Variants in CDHR5 observed in about 807,000 individuals in gnomAD.
CDHR5 encodes the protein cadherin-related family member 5.
CDHR5 carries 82 observed loss-of-function variants against 69.5 expected under a neutral mutation model. The observed-to-expected ratio is 1.18, with a 90% confidence interval of 0.99 to 1.42. CDHR5 has a LOEUF of 1.42. CDHR5 is among the 40% of genes most tolerant of loss of function. The probability of loss-of-function intolerance (pLI) is 0.00; values close to 1 mark genes in which losing one functional copy is unlikely to be tolerated. For synonymous variants in CDHR5, 601 were observed against 510.2 expected (o/e 1.18, Z -2.40); for missense variants, 1,293 against 1,168.9 (o/e 1.11, Z -1.55).
intron 7 of CDHR5, 110 bp downstream of exon 7, chr11:620,970 G>T (rs1857338610): frequency 2.8e-6 from 2 of 710,246 alleles, no homozygotes; most frequent in African/African-American, 1.8e-5. Flanking sequence ...ACCGAAATCG[G>T]CCCCACCCCC....
In CDHR5 at chr11:621,638, A is replaced by T; in HGVS notation, c.431T>A (p.Ile144Asn). Residue 144 changes from isoleucine to asparagine, a missense_variant, in exon 5 of 15, where the codon ATC becomes AAC. By Grantham distance (149) the Ile-to-Asn change is moderately radical. Transcript: ENST00000397542. This position sits in a 1 kb window ranked among gnomAD's most constrained non-coding sequence, Gnocchi z 4.4. The part of the protein sequence containing the change: ...EEDTKVNSTV[I>N]PETQLQAEDR... Reference sequence around the variant, plus strand: ...CTCAGCCTGCAGTTGCGTCTCGGGGATGACGGTGGAGTTCACTTTCGTGTC... The same window carrying T: ...CTCAGCCTGCAGTTGCGTCTCGGGGTTGACGGTGGAGTTCACTTTCGTGTC... 1.2e-6 allele frequency: 2 copies of T among 1,613,322 alleles called. No individual in the cohort carries two copies. The highest frequency in any genetic ancestry group is 2.2e-5 in the South Asian group (2 of 91,046).
At chr11:623,223 C>G (rs1271322973) in intron 3 of CDHR5, among the ~76,000 whole-genome samples, 1 of 152,144 alleles carries the variant, frequency 6.6e-6, no homozygotes, top group Admixed American at 6.5e-5. Flanking sequence ...GCAGGAGAAT[C>G]GCTTGGACCC....
In CDHR5 at chr11:621,337, C is replaced by G; in HGVS notation, c.618+8G>C. 1 of 1,612,974 alleles carries G rather than the reference C, an allele frequency of 6.2e-7. No individual in the cohort carries two copies. Among genetic ancestry groups the G allele is most frequent in the Non-Finnish European group, 8.5e-7 (1 of 1,179,740 alleles). ...GTGTGGGACTCGGGGCTGGGGTGAC[C>G]TGCTCACCCGCACCAGCAGCCAGAA... On this transcript the variant is annotated splice_region_variant and intron_variant, in intron 6 of 14. Transcript: ENST00000397542. This position sits in a 1 kb window ranked among gnomAD's most constrained non-coding sequence, Gnocchi z 4.4.
In CDHR5 at chr11:621,597, C is replaced by G; in HGVS notation, c.472G>C (p.Asp158His). Residue 158 changes from aspartate to histidine, a missense_variant, in exon 5 of 15, where the codon GAC becomes CAC. By Grantham distance (81) the Asp-to-His change is moderately conservative. Transcript: ENST00000397542. The surrounding 1 kb of genome is among the most constrained non-coding windows in gnomAD (Gnocchi z 4.4). ...QLQAEDRDKDDILFYTLQEMT... is the reference protein window; with the variant it reads ...QLQAEDRDKDHILFYTLQEMT... ...TCCTGGAGGGTGTAGAACAGAATGT[C>G]GTCCTTGTCGCGGTCCTCAGCCTGC... 6.2e-7 allele frequency: 1 copy of G among 1,613,676 alleles called. No homozygotes were observed. Among genetic ancestry groups the G allele is most frequent in the Non-Finnish European group, 8.5e-7 (1 of 1,179,796 alleles).
intron 3 of CDHR5, among the ~76,000 whole-genome samples, chr11:623,639 G>T (rs1027595830): frequency 2.6e-5 from 4 of 152,036 alleles, no homozygotes; most frequent in Admixed American, 1.3e-4. Flanking sequence ...GGTTTGACTC[G>T]GTGAGAAAGG....
rs73400307 is a variant in CDHR5 at position 616,993 on chromosome 11, C to G, written c.*358G>C. 7.0e-6 allele frequency: 2 copies of G among 286,914 alleles called. No homozygotes were observed. The highest frequency in any genetic ancestry group is 1.3e-4 in the East Asian group (2 of 14,834). The allele number at this position is 286,914 out of a possible 1,614,324, so 17.8% of individuals were successfully genotyped here. ...AGATGAGCCGGGTGCCTGAGATCTC[C>G]GGTGCAGGTCGGGGGAGGGGAGCCC... On this transcript the variant is annotated 3_prime_UTR_variant, in exon 15 of 15. Transcript: ENST00000397542.
rs183034408 is a variant in CDHR5, at chr11:623,170, G to A, written c.312+1043C>T. On this transcript the variant is annotated intron_variant, in intron 3 of 14. Transcript: ENST00000397542. Reference sequence around the variant, plus strand: ...CTAAAAATACAAAAATTAGCCGGCCGTGGTGGCGCATGCTTGTAATCCCAG... The same window carrying A: ...CTAAAAATACAAAAATTAGCCGGCCATGGTGGCGCATGCTTGTAATCCCAG... Among the ~76,000 whole-genome samples, 306 of 152,236 alleles carry A rather than the reference G, an allele frequency of 2.0e-3. 3 individuals are homozygous for A. Among genetic ancestry groups the A allele is most frequent in the African/African-American group, 6.9e-3 (286 of 41,540 alleles).
intron 13 of CDHR5, 36 bp from the exon 14 acceptor site, chr11:618,147 C>A: frequency 6.4e-7 from 1 of 1,558,250 alleles, no homozygotes; most frequent in Non-Finnish European, 8.8e-7. Flanking sequence ...CATCCCCGCA[C>A]TGTTGAGTGC....
Position 621,860 on chromosome 11 carries a change from G to A in CDHR5, c.357C>T (p.Asp119=). 6.2e-7 allele frequency: 1 copy of A among 1,613,712 alleles called. No homozygotes were observed. Among genetic ancestry groups the A allele is most frequent in the Non-Finnish European group, 8.5e-7 (1 of 1,179,882 alleles). Residue 119 remains aspartate, a synonymous_variant, in exon 4 of 15, where the codon GAC becomes GAT. Coordinates refer to ENST00000397542, the MANE Select transcript of CDHR5 (RefSeq NM_021924.5). This position sits in a 1 kb window ranked among gnomAD's most constrained non-coding sequence, Gnocchi z 4.4. ...TCTTAAAGGGGAATTCGGGGGCATT[G>A]TCATTGACGTCCAGCACTGACACGA... is the stretch of plus-strand genomic sequence containing the variant. ...RVFVSVLDVN[D]NAPEFPFKTK...
In CDHR5 at chr11:621,440, A is replaced by C; in HGVS notation, c.523T>G (p.Phe175Val). ...QEMTAGASDY[F>V]SLVSVNRPAL... is the part of the protein sequence containing the mutation. ...GGACGGTTTACACTCACCAGGGAGA[A>C]GTAGTCACTGGCACCCTGGGGAGGG... is the stretch of plus-strand genomic sequence containing the variant. The change falls in exon 6 of 15, where the codon TTC becomes GTC. Residue 175 changes from phenylalanine (F) to valine (V), a missense_variant. By Grantham distance (50) the Phe-to-Val change is conservative. Coordinates refer to ENST00000397542, the MANE Select transcript of CDHR5 (RefSeq NM_021924.5). This position sits in a 1 kb window ranked among gnomAD's most constrained non-coding sequence, Gnocchi z 4.4. 9 of 1,612,684 alleles carry C rather than the reference A, an allele frequency of 5.6e-6. No homozygotes were observed. The highest frequency in any genetic ancestry group is 7.6e-6 in the Non-Finnish European group (9 of 1,179,710).
At chr11:622,127 C>A (rs1038526316) in intron 3 of CDHR5, among the ~76,000 whole-genome samples, 2 of 151,862 alleles carry the variant, frequency 1.3e-5, no homozygotes, top group African/African-American at 4.8e-5. Flanking sequence ...CACCCCTCAA[C>A]GGCCACCCGT....
rs751121021 is a variant in CDHR5 at position 624,335 on chromosome 11, C to T, written c.262-72G>A. 1.5e-5 allele frequency: 11 copies of T among 730,500 alleles called. No individual in the cohort carries two copies. The highest frequency in any genetic ancestry group is 1.0e-4 in the East Asian group (4 of 38,162). 45.3% of individuals were successfully genotyped at this position (730,500 alleles called of 1,614,324 possible). On this transcript the variant is annotated intron_variant, in intron 2 of 14. Transcript: ENST00000397542. The surrounding 1 kb of genome is among the most constrained non-coding windows in gnomAD (Gnocchi z 5.3). ...GGGAGACTGAGGCCAAGTGGGCAGG[C>T]GCTGGCCCAGGGTCCCCATCATCAG... is the stretch of plus-strand genomic sequence containing the variant.
At position 618,050 on chromosome 11, in the gene CDHR5, C is replaced by A. The variant is rs780341530; in HGVS notation, c.2022G>T (p.Val674=). Residue 674 remains valine (V), a synonymous_variant, in exon 14 of 15, where the codon GTG becomes GTT. Transcript: ENST00000397542. ...GAGCCAGCAGCAGCAGCGCACCCAG[C>A]ACCCCGCCCAGGGCCGCCATATCCA... is the stretch of plus-strand genomic sequence containing the variant. ...SVVDMAALGG[V]LGALLLLALL... 1 of 1,612,210 alleles carries A rather than the reference C, an allele frequency of 6.2e-7. No homozygotes were observed. Among genetic ancestry groups the A allele is most frequent in the Non-Finnish European group, 8.5e-7 (1 of 1,179,634 alleles).
Position 620,377 on chromosome 11 carries a change from G to C in CDHR5, c.799C>G (p.Leu267Val). The change falls in exon 8 of 15, where the codon CTC becomes GTC. Residue 267 changes from leucine to valine, a missense_variant. By Grantham distance (32) the Leu-to-Val change is conservative. Coordinates refer to ENST00000397542, the MANE Select transcript of CDHR5 (RefSeq NM_021924.5). ...VPTGHILPSPLVLRPGPIYAE... is the reference protein window; with the variant it reads ...VPTGHILPSPVVLRPGPIYAE... ...TAGATGGGTCCGGGACGCAGGACGA[G>C]GGGAGATGGCTTCAGGGATGGCGGA... 6.2e-7 allele frequency: 1 copy of C among 1,605,696 alleles called. No homozygotes were observed. Among genetic ancestry groups the C allele is most frequent in the Non-Finnish European group, 8.5e-7 (1 of 1,174,466 alleles).
rs1857341437 is a variant in CDHR5, at chr11:620,993, C to T, written c.789+87G>A. The stretch of plus-strand genomic sequence containing the variant: ...CGGCCCCACCCCCTGACCCCGACCC[C>T]GCCCTTCCTCTCCTGATCCTGGCCG... On this transcript the variant is annotated intron_variant, in intron 7 of 14. Coordinates refer to ENST00000397542, the MANE Select transcript of CDHR5 (RefSeq NM_021924.5). 9.2e-6 allele frequency: 9 copies of T among 980,438 alleles called. 1 individual carries two copies. Among genetic ancestry groups the T allele is most frequent in the South Asian group, 6.1e-5 (3 of 48,870 alleles). The allele number at this position is 980,438 out of a possible 1,614,324, so 60.7% of individuals were successfully genotyped here.
Position 618,119 on chromosome 11 carries a change from C to A in CDHR5, c.1961-8G>T. Reference sequence around the variant, plus strand: ...CCTCCGAGGGGCCGCCACCTGGCATCGCAGTGGAAAACGTCATCATCCCCG... The same window carrying A: ...CCTCCGAGGGGCCGCCACCTGGCATAGCAGTGGAAAACGTCATCATCCCCG... On this transcript the variant is annotated splice_polypyrimidine_tract_variant and splice_region_variant and intron_variant, in intron 13 of 14. Transcript: ENST00000397542. 6.2e-7 allele frequency: 1 copy of A among 1,603,776 alleles called. No individual in the cohort carries two copies. The highest frequency in any genetic ancestry group is 8.5e-7 in the Non-Finnish European group (1 of 1,174,800).
Position 617,500 on chromosome 11 carries a change from T to A in CDHR5, c.2389A>T (p.Ile797Phe), listed in dbSNP as rs1408654728. The change falls in exon 15 of 15, where the codon ATC becomes TTC. Residue 797 changes from isoleucine (I) to phenylalanine (F), a missense_variant. Transcript: ENST00000397542. ...GYKAVWFGED[I>F]GTEADVVVLN... ...ACGACCACGTCTGCCTCCGTCCCGA[T>A]GTCCTCGCCAAACCAGACAGCCTTG... 6.2e-7 allele frequency: 1 copy of A among 1,612,712 alleles called. No individual in the cohort carries two copies. Among genetic ancestry groups the A allele is most frequent in the Admixed American group, 1.7e-5 (1 of 60,028 alleles).
chr11:622,126 A>G lies in CDHR5; in HGVS notation c.313-222T>C, dbSNP rs562698482. The stretch of plus-strand genomic sequence containing the variant: ...CGCCGTGAGTGAGGTGCACCCCTCA[A>G]CGGCCACCCGTCCCCGCCGTGAGTG... On this transcript the variant is annotated intron_variant, in intron 3 of 14. Coordinates refer to ENST00000397542, the MANE Select transcript of CDHR5 (RefSeq NM_021924.5). 7.9e-5 allele frequency among the ~76,000 whole-genome samples: 12 copies of G among 151,374 alleles called. No individual in the cohort carries two copies. In the East Asian group the frequency reaches 1.2e-3, roughly 15 times the overall value.
rs761696569 is a variant in CDHR5 at position 618,081 on chromosome 11, G to A, written c.1991C>T (p.Ser664Leu). The change falls in exon 14 of 15, where the codon TCG (serine) becomes TTG (leucine). Residue 664 changes from serine to leucine, a missense_variant. Transcript: ENST00000397542. The stretch of plus-strand genomic sequence containing the variant: ...GCCCAGGGCCGCCATATCCACCACC[G>A]AGAAGCGCTTGTCCTCCGAGGGGCC... ...GGGPSEDKRFSVVDMAALGGV... is the reference protein window; with the variant it reads ...GGGPSEDKRFLVVDMAALGGV... 1.7e-5 allele frequency: 27 copies of A among 1,611,692 alleles called. No individual in the cohort carries two copies. Among genetic ancestry groups the A allele is most frequent in the South Asian group, 9.9e-5 (9 of 91,012 alleles).
Sources: allele counts gnomAD v4.1 joint callset (sites outside exome capture counted in the v4.1 genomes callset), GRCh38; gene constraint gnomAD v4.1.1; non-coding constraint Gnocchi (gnomAD v3.1); transcripts MANE v1.5; gene names NCBI Gene and HGNC (gene_info 2026-07-23, HGNC 2026-07-21).